The following KDM4B variants were observed in gnomAD, a reference collection of about 807,000 sequenced individuals.
KDM4B encodes the protein lysine-specific demethylase 4B.
A neutral mutation model predicts 125.2 loss-of-function variants in KDM4B; 32 were observed. That is an observed-to-expected ratio of 0.26 (90% CI 0.19 to 0.34). The LOEUF is 0.34. Ranked by LOEUF, KDM4B falls within the 10% of genes least tolerant of loss-of-function variation. The probability of loss-of-function intolerance (pLI) is 1.00; values close to 1 mark genes in which losing one functional copy is unlikely to be tolerated. For missense variants in KDM4B, 1,190 were observed against 1,577.7 expected, an observed-to-expected ratio of 0.75 and a Z score of 4.16; for synonymous variants, 721 against 677.9, an observed-to-expected ratio of 1.06 and a Z score of -0.99.
chr19:5,033,748 T>TTCTCTCTC (rs142326261), intron 3 of KDM4B, among the ~76,000 whole-genome samples: 7 of 151,356 alleles, frequency 4.6e-5, no homozygotes, highest in African/African-American at 1.7e-4. Context: ...TTATTGGTTC[T>TTCTCTCTC]TCTCTCTCTC....
At chr19:5,139,636 G>T (rs190612995) in intron 18 of KDM4B, among the ~76,000 whole-genome samples, 2 of 152,216 alleles carry the variant, frequency 1.3e-5, no homozygotes, top group Non-Finnish European at 2.9e-5. Context: ...AGGTGGTCTC[G>T]CTATGGTTTG....
chr19:5,060,286 A>G (rs1409783294), intron 6 of KDM4B, among the ~76,000 whole-genome samples: 4 of 151,942 alleles, frequency 2.6e-5, no homozygotes, highest in Non-Finnish European at 5.9e-5. Context: ...TAAAAATACA[A>G]AAATTAGCCG....
intron 2 of KDM4B, among the ~76,000 whole-genome samples, chr19:5,021,696 C>T (rs962167822): frequency 6.6e-5 from 9 of 136,608 alleles, no homozygotes; most frequent in Admixed American, 8.4e-5. Context: ...AGTGCAGTGG[C>T]GTGATCTTGG....
intron 1 of KDM4B, among the ~76,000 whole-genome samples, chr19:4,990,079 C>T (rs1048498957): frequency 6.6e-6 from 1 of 152,024 alleles, no homozygotes; most frequent in Non-Finnish European, 1.5e-5. Flanking sequence ...CACTTGAGGC[C>T]AGGAGTTCAA....
intron 11 of KDM4B, among the ~76,000 whole-genome samples, chr19:5,129,797 C>T (rs1291746897): frequency 2.6e-5 from 4 of 152,212 alleles, no homozygotes; most frequent in Non-Finnish European, 5.9e-5. Flanking sequence ...CAGGCAGGGC[C>T]CCAGGGCCCC....
Position 5,008,757 on chromosome 19 carries a change from A to AT in KDM4B, c.-108-7484dup, listed in dbSNP as rs61536849. On this transcript the variant is annotated intron_variant, in intron 1 of 22. Coordinates refer to ENST00000159111, the MANE Select transcript of KDM4B (RefSeq NM_015015.3). Reference sequence around the variant, plus strand: ...AGGCATGTACCACCACACTTGGCTAATTTTTTTTTTTTTTTTAATATTTTT... The same window carrying AT: ...AGGCATGTACCACCACACTTGGCTAATTTTTTTTTTTTTTTTTAATATTTTT... Among the ~76,000 whole-genome samples the AT allele has an allele frequency of 6.3e-3, 869 of 137,756 alleles. 23 individuals carry two copies. The South Asian group carries it at 0.071, about 11-fold the overall frequency. 90.4% of individuals were successfully genotyped at this position (137,756 alleles called of 152,430 possible).
At chr19:5,002,303 A>G (rs966692549) in intron 1 of KDM4B, among the ~76,000 whole-genome samples, 1 of 150,750 alleles carries the variant, frequency 6.6e-6, no homozygotes, top group Non-Finnish European at 1.5e-5. Context: ...CAGTGCAAAT[A>G]TTTTCCCTCG....
rs1470778241 is a variant in KDM4B at position 5,131,542 on chromosome 19, G to A, written c.1782G>A (p.Gly594=). ...AGACCAAAGCCCGGGCCGGAGAGGG[G>A]CAGGTGGGGTGGAGCGGGGGAGGCA... is the stretch of plus-strand genomic sequence containing the variant. ...RMETKARAGE[G]QAPSTFSKLK... Residue 594 remains glycine (G), a synonymous_variant, in exon 12 of 23, where the codon GGG becomes GGA. Transcript: ENST00000159111. 3.9e-6 allele frequency: 6 copies of A among 1,529,800 alleles called. No individual in the cohort carries two copies. Among genetic ancestry groups the A allele is most frequent in the Non-Finnish European group, 5.2e-6 (6 of 1,153,676 alleles). The allele number at this position is 1,529,800 out of a possible 1,614,324, so 94.8% of individuals were successfully genotyped here.
chr19:5,106,256 G>T (rs1338210475), intron 9 of KDM4B, among the ~76,000 whole-genome samples: 1 of 152,232 alleles, frequency 6.6e-6, no homozygotes, highest in African/African-American at 2.4e-5. Context: ...CATTGTGTGT[G>T]TGTGTGTGTG....
At chr19:5,026,521 CGTT>C (rs1471049126) in intron 2 of KDM4B, among the ~76,000 whole-genome samples, 1 of 152,112 alleles carries the variant, frequency 6.6e-6, no homozygotes, top group African/African-American at 2.4e-5. Flanking sequence ...CCCTCTGTGA[CGTT>C]GTTAATTAGT....
chr19:4,993,279 G>T (rs550430706), intron 1 of KDM4B, among the ~76,000 whole-genome samples: 1 of 152,016 alleles, frequency 6.6e-6, no homozygotes, highest in South Asian at 2.1e-4. Flanking sequence ...GTGTGGTGGC[G>T]CATGCCTGTA....
At position 5,040,015 on chromosome 19, in the gene KDM4B, C is replaced by G; in HGVS notation, c.317+4C>G. 3 of 1,608,394 alleles carry G rather than the reference C, an allele frequency of 1.9e-6. No individual in the cohort carries two copies. Among genetic ancestry groups the G allele is most frequent in the Non-Finnish European group, 1.7e-6 (2 of 1,176,846 alleles). On this transcript the variant is annotated splice_donor_region_variant and intron_variant, in intron 4 of 22. Transcript: ENST00000159111. ...GCCGCCTGGCCAACAGCGAGAAGTA[C>G]GCGGGGCGGGCAGGGCGGACCTGAC...
intron 1 of KDM4B, among the ~76,000 whole-genome samples, chr19:4,974,583 C>A (rs1371630472): frequency 6.9e-6 from 1 of 145,252 alleles, no homozygotes; most frequent in Admixed American, 6.9e-5. Flanking sequence ...TACAAAAATA[C>A]AAAAATCAGC....
At chr19:5,103,163 C>T (rs2038970148) in intron 9 of KDM4B, among the ~76,000 whole-genome samples, 1 of 152,162 alleles carries the variant, frequency 6.6e-6, no homozygotes. Context: ...GTGCCTCCTG[C>T]AGGCACCGGG....
At chr19:5,137,115 C>T (rs2039661513) in intron 15 of KDM4B, 147 bp from the exon 16 acceptor site, 2 of 631,250 alleles carry the variant, frequency 3.2e-6, no homozygotes, top group South Asian at 3.5e-5. Flanking sequence ...AGCACGCACC[C>T]TGAATGCTGC....
chr19:4,984,181 C>G (rs968313984), intron 1 of KDM4B, among the ~76,000 whole-genome samples: 1 of 152,168 alleles, frequency 6.6e-6, no homozygotes, highest in African/African-American at 2.4e-5. Flanking sequence ...ATCCACCGAG[C>G]GGAGGCTGAG....
chr19:5,113,808 C>T lies in KDM4B; in HGVS notation c.1115+2990C>T, dbSNP rs181935192. 69 of 812,570 alleles carry T rather than the reference C, an allele frequency of 8.5e-5. 1 individual carries two copies. In the African/African-American group the frequency reaches 1.1e-3, roughly 13 times the overall value. 50.3% of individuals were successfully genotyped at this position (812,570 alleles called of 1,614,324 possible). ...GACCAAGGGATGGCATCAGGGTGGG[C>T]GCCATGCCCTCACCCCCGTGCAGTC... is the stretch of plus-strand genomic sequence containing the variant. On this transcript the variant is annotated intron_variant, in intron 10 of 22. Transcript: ENST00000159111.
intron 3 of KDM4B, among the ~76,000 whole-genome samples, chr19:5,034,336 A>G (rs1243827899): frequency 6.6e-6 from 1 of 152,172 alleles, no homozygotes; most frequent in Admixed American, 6.5e-5. Context: ...CAGTTAGGCC[A>G]GGGGTTGGCG....
In KDM4B at chr19:5,151,612, CGA is replaced by C. The variant is rs2039950059; in HGVS notation, c.*105_*106del. ...TTCCTGTCCTCGTGTCCCCGACCCC[CGA>C]GAGGCCACCTCCAAGCCGCGGGTGC... On this transcript the variant is annotated 3_prime_UTR_variant, in exon 23 of 23. Transcript: ENST00000159111. 3 of 1,085,210 alleles carry C rather than the reference CGA, an allele frequency of 2.8e-6. No homozygotes were observed. Among genetic ancestry groups the C allele is most frequent in the Admixed American group, 4.2e-5 (1 of 23,610 alleles). 67.2% of individuals were successfully genotyped at this position (1,085,210 alleles called of 1,614,324 possible).
Sources: allele counts gnomAD v4.1 joint callset (sites outside exome capture counted in the v4.1 genomes callset), GRCh38; gene constraint gnomAD v4.1.1; transcripts MANE v1.5; gene names NCBI Gene and HGNC (gene_info 2026-07-23, HGNC 2026-07-21).